The following NR1H4 variants were observed in gnomAD, a reference collection of about 807,000 sequenced individuals.
NR1H4 encodes the protein nuclear receptor subfamily 1 group H member 4, also known as bile acid receptor.
NR1H4 carries 23 observed loss-of-function variants against 58.5 expected under a neutral mutation model. That is an observed-to-expected ratio of 0.39 (90% CI 0.28 to 0.56). The LOEUF is 0.56. NR1H4 is among the 20% of genes least tolerant of loss of function. The pLI is 0.58. For missense variants in NR1H4, 487 were observed against 576.9 expected, an observed-to-expected ratio of 0.84 and a Z score of 1.60; for synonymous variants, 214 against 198.0, an observed-to-expected ratio of 1.08 and a Z score of -0.68.
intron 4 of NR1H4, among the ~76,000 whole-genome samples, chr12:100,529,230 T>C (rs1018026325): frequency 6.6e-6 from 1 of 152,226 alleles, no homozygotes; most frequent in African/African-American, 2.4e-5. Flanking sequence ...CTTCAGCCTC[T>C]GTTTTCATAT....
chr12:100,564,298 T>C lies in NR1H4; in HGVS notation c.*809T>C, dbSNP rs1277247653. 2 of 152,256 alleles carry C rather than the reference T, an allele frequency of 1.3e-5. No homozygotes were observed. Among genetic ancestry groups the C allele is most frequent in the East Asian group, 3.8e-4 (2 of 5,202 alleles). 9.4% of individuals were successfully genotyped at this position (152,256 alleles called of 1,614,324 possible). A position where few individuals can be genotyped will look rare whatever the true frequency, so the allele number is the denominator to read the frequency against. On this transcript the variant is annotated 3_prime_UTR_variant, in exon 11 of 11. Coordinates refer to ENST00000392986, the MANE Select transcript of NR1H4 (RefSeq NM_001206979.2). ...ACATTCCTACAGCTGGGAGCACAGC[T>C]GCTGTATACTTCCCCCAAAGCAGGA... is the stretch of plus-strand genomic sequence containing the variant.
At chr12:100,493,682 C>T (rs559287850) in intron 3 of NR1H4, among the ~76,000 whole-genome samples, 2 of 152,314 alleles carry the variant, frequency 1.3e-5, no homozygotes, top group East Asian at 1.9e-4. Flanking sequence ...GAGTAGAAAG[C>T]GATTCCTCCT....
intron 6 of NR1H4, among the ~76,000 whole-genome samples, chr12:100,535,545 A>C (rs1770546671): frequency 6.6e-6 from 1 of 152,264 alleles, no homozygotes; most frequent in African/African-American, 2.4e-5. Context: ...TTAGACACAC[A>C]CATTGTGATA....
intron 1 of NR1H4, among the ~76,000 whole-genome samples, chr12:100,481,566 G>T (rs981280269): frequency 6.6e-6 from 1 of 152,056 alleles, no homozygotes; most frequent in African/African-American, 2.4e-5. Flanking sequence ...TTGAGCTCAG[G>T]AGTTCTAGAC....
chr12:100,484,854 T>G (rs1417610385), intron 1 of NR1H4, among the ~76,000 whole-genome samples: 2 of 152,196 alleles, frequency 1.3e-5, no homozygotes, highest in African/African-American at 4.8e-5. Context: ...AAACATTTTA[T>G]GGGGAGGAAT....
chr12:100,511,259 C>T (rs778525711), intron 4 of NR1H4, 116 bp downstream of exon 4: 23 of 1,242,022 alleles, frequency 1.9e-5, no homozygotes, highest in Admixed American at 1.2e-4. Flanking sequence ...TCCTCCTGTG[C>T]GCCTACCTCC....
Position 100,563,255 on chromosome 12 carries a change from A to G in NR1H4, c.1197A>G (p.Arg399=), listed in dbSNP as rs1426271911. 6.2e-7 allele frequency: 1 copy of G among 1,608,244 alleles called. No homozygotes were observed. The highest frequency in any genetic ancestry group is 8.5e-7 in the Non-Finnish European group (1 of 1,174,742). The change falls in exon 11 of 11, where the codon AGA becomes AGG. Residue 399 remains arginine (R), a synonymous_variant. Transcript: ENST00000392986. The part of the protein sequence containing the change: ...LTAIVILSPD[R]QYIKDREAVE... ...TTATTTTAAACTTCAAAACAGATAG[A>G]CAATACATAAAGGATAGAGAGGCAG...
At chr12:100,534,843 A>G (rs1566463548) in intron 5 of NR1H4, 47 bp from the exon 6 acceptor site, 2 of 1,612,446 alleles carry the variant, frequency 1.2e-6, no homozygotes, top group Admixed American at 1.7e-5. Context: ...CACACACCCA[A>G]CAGTACTTTC....
intron 1 of NR1H4, among the ~76,000 whole-genome samples, chr12:100,490,931 G>A (rs1953591677): frequency 6.6e-6 from 1 of 152,130 alleles, no homozygotes; most frequent in Admixed American, 6.6e-5. Context: ...GCTTGGCTGG[G>A]ACTACAGGTG....
At chr12:100,546,086 G>T (rs1367076133) in intron 9 of NR1H4, among the ~76,000 whole-genome samples, 2 of 152,118 alleles carry the variant, frequency 1.3e-5, no homozygotes, top group African/African-American at 4.8e-5. Flanking sequence ...GTTGAGACAA[G>T]ACTGGTGAAA....
intron 3 of NR1H4, among the ~76,000 whole-genome samples, chr12:100,494,106 G>A (rs79598456): frequency 0.068 from 10,398 of 152,088 alleles, 676 homozygotes; most frequent in African/African-American, 0.16. Context: ...TGGCAGCCTG[G>A]GATGCTCCCA....
chr12:100,517,375 TG>T (rs1954295289), intron 4 of NR1H4, among the ~76,000 whole-genome samples: 1 of 152,242 alleles, frequency 6.6e-6, no homozygotes, highest in Non-Finnish European at 1.5e-5. Context: ...TTCTTTTTTA[TG>T]GCTGAATAGT....
At chr12:100,516,579 A>G (rs897793226) in intron 4 of NR1H4, among the ~76,000 whole-genome samples, 2 of 152,038 alleles carry the variant, frequency 1.3e-5, no homozygotes, top group African/African-American at 4.8e-5. Flanking sequence ...TGTTAGCCAG[A>G]ATGATCTCCA....
intron 3 of NR1H4, among the ~76,000 whole-genome samples, chr12:100,502,664 T>C (rs1593059826): frequency 6.6e-6 from 1 of 152,214 alleles, no homozygotes; most frequent in East Asian, 1.9e-4. Flanking sequence ...CAACCTACTA[T>C]GTTTAGACTT....
intron 1 of NR1H4, among the ~76,000 whole-genome samples, chr12:100,485,150 G>A (rs937379377): frequency 3.3e-5 from 5 of 152,122 alleles, no homozygotes; most frequent in African/African-American, 1.2e-4. Context: ...TGAATATGGG[G>A]CTCATTACTT....
chr12:100,512,580 G>A (rs1260093361), intron 4 of NR1H4, among the ~76,000 whole-genome samples: 1 of 151,914 alleles, frequency 6.6e-6, no homozygotes, highest in East Asian at 1.9e-4. Flanking sequence ...GGCAGAGGTT[G>A]CAGTGAGCCG....
chr12:100,563,404 A>G lies in NR1H4; in HGVS notation c.1346A>G (p.His449Arg), dbSNP rs1955518589. Reference sequence around the variant, plus strand: ...CTGACTGAATTACGGACATTCAATCATCACCACGCTGAGATGCTGATGTCA... The same window carrying G: ...CTGACTGAATTACGGACATTCAATCGTCACCACGCTGAGATGCTGATGTCA... Reference protein sequence around the residue: ...GRLTELRTFNHHHAEMLMSWR... With the variant: ...GRLTELRTFNRHHAEMLMSWR... Residue 449 changes from histidine to arginine, a missense_variant, in exon 11 of 11, where the codon CAT (histidine) becomes CGT (arginine). Transcript: ENST00000392986. 6.2e-7 allele frequency: 1 copy of G among 1,614,196 alleles called. No individual in the cohort carries two copies. The highest frequency in any genetic ancestry group is 1.7e-5 in the Admixed American group (1 of 60,022).
In NR1H4 at chr12:100,476,961, A is replaced by C. The variant is rs116986312; in HGVS notation, c.-190+2902A>C. 1.1e-3 allele frequency among the ~76,000 whole-genome samples: 170 copies of C among 152,302 alleles called. 2 individuals carry two copies. Among genetic ancestry groups the C allele is most frequent in the South Asian group, 1.0e-2 (48 of 4,820 alleles). ...TTTTTTTATTGTCACAGTAGTTTCTACCAGTGAAGATGTAGCTAAAAGGCA... is the reference window on the plus strand; with the variant it reads ...TTTTTTTATTGTCACAGTAGTTTCTCCCAGTGAAGATGTAGCTAAAAGGCA... On this transcript the variant is annotated intron_variant, in intron 1 of 10. Coordinates refer to ENST00000392986, the MANE Select transcript of NR1H4 (RefSeq NM_001206979.2).
At chr12:100,559,115 AG>A (rs1955401698) in intron 9 of NR1H4, among the ~76,000 whole-genome samples, 1 of 152,092 alleles carries the variant, frequency 6.6e-6, no homozygotes, top group Non-Finnish European at 1.5e-5. Context: ...ATATGCCTAA[AG>A]CCATGGGGAG....
Sources: gnomAD v4.1 joint callset for allele counts (sites outside exome capture counted in the v4.1 genomes callset) on GRCh38, gnomAD v4.1.1 for gene constraint, MANE v1.5 for transcripts, NCBI Gene and HGNC (gene_info 2026-07-23, HGNC 2026-07-21) for gene names.